The following SPATS2L variants were observed in gnomAD, a reference collection of about 807,000 sequenced individuals.
The protein encoded by SPATS2L is spermatogenesis associated serine rich 2 like, also known as SPATS2-like protein.
Under a neutral mutation model 59.6 loss-of-function variants are expected in SPATS2L, and 30 were observed. The observed-to-expected ratio is 0.50, with a 90% CI of 0.38 to 0.68. The LOEUF (loss-of-function observed/expected upper bound fraction) is 0.68. SPATS2L is among the 30% of genes least tolerant of loss of function. The probability of loss-of-function intolerance (pLI) is 0.00; values close to 1 mark genes in which losing one functional copy is unlikely to be tolerated. For missense variants in SPATS2L, 615 were observed against 700.0 expected, an observed-to-expected ratio of 0.88 and a Z score of 1.37; for synonymous variants, 252 against 263.5, an observed-to-expected ratio of 0.96 and a Z score of 0.42.
intron 2 of SPATS2L, among the ~76,000 whole-genome samples, chr2:200,376,211 T>C (rs2081594141): frequency 6.6e-6 from 1 of 152,212 alleles, no homozygotes; most frequent in Non-Finnish European, 1.5e-5. Flanking sequence ...GTTAAAGTCA[T>C]GTATATTTGA....
chr2:200,362,276 G>C (rs1489716175), intron 2 of SPATS2L, among the ~76,000 whole-genome samples: 1 of 152,128 alleles, frequency 6.6e-6, no homozygotes, highest in African/African-American at 2.4e-5. Context: ...ATGCTAGAGT[G>C]CAGGAAATTT....
At chr2:200,329,122 T>C (rs2079851317) in intron 1 of SPATS2L, among the ~76,000 whole-genome samples, 1 of 152,238 alleles carries the variant, frequency 6.6e-6, no homozygotes. Context: ...ATGTTAGCTG[T>C]TGTTGGTGTA....
intron 2 of SPATS2L, among the ~76,000 whole-genome samples, chr2:200,356,146 A>T (rs984949937): frequency 3.9e-5 from 6 of 152,222 alleles, no homozygotes; most frequent in Admixed American, 6.5e-5. Context: ...AATGGGTATT[A>T]TGTGTATCTA....
At chr2:200,337,243 G>A (rs1342972985) in intron 2 of SPATS2L, among the ~76,000 whole-genome samples, 1 of 152,222 alleles carries the variant, frequency 6.6e-6, no homozygotes, top group Non-Finnish European at 1.5e-5. Context: ...AGCATTAGCA[G>A]TAAATCACAG....
At chr2:200,382,514 G>A (rs933016313) in intron 2 of SPATS2L, among the ~76,000 whole-genome samples, 1 of 152,208 alleles carries the variant, frequency 6.6e-6, no homozygotes, top group Non-Finnish European at 1.5e-5. Flanking sequence ...GGCAGGTCCC[G>A]TGGAACGGTT....
At chr2:200,393,690 T>C (rs1479848663) in intron 3 of SPATS2L, among the ~76,000 whole-genome samples, 1 of 152,236 alleles carries the variant, frequency 6.6e-6, no homozygotes, top group African/African-American at 2.4e-5. Flanking sequence ...ATACTTACTG[T>C]CTTTAGTTAT....
At chr2:200,354,397 C>A (rs1237633253) in intron 2 of SPATS2L, among the ~76,000 whole-genome samples, 1 of 152,038 alleles carries the variant, frequency 6.6e-6, no homozygotes, top group Non-Finnish European at 1.5e-5. Flanking sequence ...CTGCTTGAGG[C>A]CGAGAGTTTG....
At chr2:200,319,642 C>T (rs1346100378) in intron 1 of SPATS2L, among the ~76,000 whole-genome samples, 2 of 147,410 alleles carry the variant, frequency 1.4e-5, no homozygotes, top group African/African-American at 2.5e-5. Context: ...CAGTAGAAAA[C>T]ACCAGGCTGC....
intron 2 of SPATS2L, among the ~76,000 whole-genome samples, chr2:200,375,045 G>A (rs2081552543): frequency 6.6e-6 from 1 of 152,150 alleles, no homozygotes; most frequent in Admixed American, 6.5e-5. Flanking sequence ...TGAGCCATAG[G>A]GCAGGCTAGA....
chr2:200,335,620 G>A (rs1332202753), intron 2 of SPATS2L, among the ~76,000 whole-genome samples: 1 of 152,176 alleles, frequency 6.6e-6, no homozygotes, highest in Non-Finnish European at 1.5e-5. Flanking sequence ...CACACCTTGT[G>A]TTCACACCTG....
chr2:200,324,120 C>T (rs1056147926), intron 1 of SPATS2L, among the ~76,000 whole-genome samples: 7 of 152,220 alleles, frequency 4.6e-5, no homozygotes, highest in Non-Finnish European at 1.0e-4. Flanking sequence ...GTTCTGACCT[C>T]CTTGGCTTTT....
At chr2:200,414,636 GAAAA>G (rs1026128440) in intron 4 of SPATS2L, among the ~76,000 whole-genome samples, 1 of 147,636 alleles carries the variant, frequency 6.8e-6, no homozygotes, top group Non-Finnish European at 1.5e-5. Flanking sequence ...TCTCCAAAAA[GAAAA>G]AAAAACCAAA....
rs1397487523 is a variant in SPATS2L at position 200,415,614 on chromosome 2, T to C, written c.149-765T>C. The stretch of plus-strand genomic sequence containing the variant: ...AACTTTGTTAGACTATGGAGAAACA[T>C]GGATTGCAGCTGGCCAGCGATAAAA... On this transcript the variant is annotated intron_variant, in intron 4 of 12. Coordinates refer to ENST00000409140, the MANE Select transcript of SPATS2L (RefSeq NM_001100423.2). 3.9e-5 allele frequency among the ~76,000 whole-genome samples: 6 copies of C among 152,210 alleles called. No individual in the cohort carries two copies. In the South Asian group the frequency reaches 6.2e-4, roughly 16 times the overall value.
At chr2:200,445,275 T>G (rs1553537213) in intron 8 of SPATS2L, among the ~76,000 whole-genome samples, 1 of 152,192 alleles carries the variant, frequency 6.6e-6, no homozygotes, top group Non-Finnish European at 1.5e-5. Flanking sequence ...GTCGTGCCAC[T>G]GCACTCCAGC....
intron 1 of SPATS2L, among the ~76,000 whole-genome samples, chr2:200,320,521 A>G (rs1181401816): frequency 6.6e-6 from 1 of 152,200 alleles, no homozygotes; most frequent in Non-Finnish European, 1.5e-5. Context: ...TCACTCCAGC[A>G]CATCATGATA....
chr2:200,317,996 T>C (rs562310062), intron 1 of SPATS2L, among the ~76,000 whole-genome samples: 2 of 152,338 alleles, frequency 1.3e-5, no homozygotes, highest in South Asian at 4.1e-4. Context: ...TTTAGTATGC[T>C]AAGGTAAGAA....
chr2:200,397,355 C>A (rs2082387860), intron 3 of SPATS2L, among the ~76,000 whole-genome samples: 1 of 152,076 alleles, frequency 6.6e-6, no homozygotes, highest in South Asian at 2.1e-4. Flanking sequence ...CACCATGATC[C>A]TTCGTATTAA....
intron 2 of SPATS2L, among the ~76,000 whole-genome samples, chr2:200,351,686 T>G (rs2080736248): frequency 6.6e-6 from 1 of 151,862 alleles, no homozygotes; most frequent in Non-Finnish European, 1.5e-5. Context: ...ACTCCTCCCT[T>G]CAGTAGCGAG....
At chr2:200,475,279 A>G (rs2087425805) in intron 12 of SPATS2L, among the ~76,000 whole-genome samples, 1 of 152,222 alleles carries the variant, frequency 6.6e-6, no homozygotes, top group Non-Finnish European at 1.5e-5. Context: ...TATTTTGCCA[A>G]GGTTGAGGAC....
Sources: gnomAD v4.1 joint callset for allele counts (sites outside exome capture counted in the v4.1 genomes callset) on GRCh38, gnomAD v4.1.1 for gene constraint, MANE v1.5 for transcripts, NCBI Gene and HGNC (gene_info 2026-07-23, HGNC 2026-07-21) for gene names.